ATP9B: variants seen among roughly 807,000 people sequenced by gnomAD.
ATP9B encodes probable phospholipid-transporting ATPase IIB.
Under a neutral mutation model 146.1 loss-of-function variants are expected in ATP9B, and 110 were observed. The ratio of observed to expected loss-of-function variants is 0.75; its 90% CI spans 0.65 to 0.88. The LOEUF is 0.88. Among genes scored for constraint, ATP9B ranks in the 40% least tolerant of loss-of-function variants. The pLI is 0.00. For synonymous variants in ATP9B, 604 were observed against 569.7 expected (o/e 1.06, Z -0.86); for missense variants, 1,499 against 1,496.4 (o/e 1.00, Z -0.03).
chr18:79,317,570 C>T (rs4799032), intron 15 of ATP9B, among the ~76,000 whole-genome samples: 142,351 of 152,248 alleles, frequency 0.93, 66,648 homozygotes, highest in East Asian at 1. Flanking sequence ...GGGTCTAATA[C>T]AGAAAAAATA....
intron 11 of ATP9B, among the ~76,000 whole-genome samples, chr18:79,251,329 A>G (rs1372685041): frequency 6.6e-6 from 1 of 152,258 alleles, no homozygotes; most frequent in Non-Finnish European, 1.5e-5. Flanking sequence ...GTGAAAGGCC[A>G]TGAAGTATTT....
At chr18:79,346,913 G>A (rs1479910385) in intron 23 of ATP9B, among the ~76,000 whole-genome samples, 7 of 152,356 alleles carry the variant, frequency 4.6e-5, no homozygotes, top group East Asian at 1.9e-4. Flanking sequence ...GGAGTCCCCC[G>A]CTTTGACCTC....
Position 79,110,485 on chromosome 18 carries a change from G to C in ATP9B, c.424G>C (p.Val142Leu), listed in dbSNP as rs768845996. Residue 142 changes from valine (V) to leucine (L), a missense_variant, in exon 3 of 30, where the codon GTG (valine) becomes CTG (leucine). Coordinates refer to ENST00000426216, the MANE Select transcript of ATP9B (RefSeq NM_198531.5). ...RNSIKNQKYN[V>L]FTFIPGVLYE... is the part of the protein sequence containing the mutation. ...TTCTATAAAAAATCAAAAATACAAT[G>C]TGTTTACCTTTATACCTGGGGTAAG... 1 of 1,611,810 alleles carries C rather than the reference G, an allele frequency of 6.2e-7. No individual in the cohort carries two copies. The highest frequency in any genetic ancestry group is 8.5e-7 in the Non-Finnish European group (1 of 1,179,034).
intron 20 of ATP9B, among the ~76,000 whole-genome samples, chr18:79,343,508 G>GT (rs995909919): frequency 2.0e-5 from 3 of 152,014 alleles, no homozygotes; most frequent in Non-Finnish European, 2.9e-5. Context: ...ACTCTTTTAG[G>GT]TTTTTTTAAA....
At position 79,377,762 on chromosome 18, in the gene ATP9B, T is replaced by G. The variant is rs2148075559; in HGVS notation, c.*379T>G. ...CGGCCTCTCCCTCTCAGTGTGAGGC[T>G]TCACCCATGCTAGGCAAGCCCAGGG... On this transcript the variant is annotated 3_prime_UTR_variant, in exon 30 of 30. Coordinates refer to ENST00000426216, the MANE Select transcript of ATP9B (RefSeq NM_198531.5). 1 of 184,092 alleles carries G rather than the reference T, an allele frequency of 5.4e-6. No homozygotes were observed. The highest frequency in any genetic ancestry group is 1.1e-5 in the Non-Finnish European group (1 of 93,536). The allele number at this position is 184,092 out of a possible 1,614,324, so 11.4% of individuals were successfully genotyped here.
At chr18:79,106,176 G>A (rs2075637780) in intron 2 of ATP9B, among the ~76,000 whole-genome samples, 1 of 152,118 alleles carries the variant, frequency 6.6e-6, no homozygotes, top group African/African-American at 2.4e-5. Flanking sequence ...AAATATAAGG[G>A]GGAAAGTGTT....
chr18:79,208,890 G>C (rs1400185577), intron 10 of ATP9B, among the ~76,000 whole-genome samples: 2 of 152,182 alleles, frequency 1.3e-5, no homozygotes, highest in African/African-American at 4.8e-5. Context: ...CCTCATGCCA[G>C]GAGGACTCTT....
chr18:79,217,945 T>G (rs1184242103), intron 11 of ATP9B, among the ~76,000 whole-genome samples: 2 of 152,208 alleles, frequency 1.3e-5, no homozygotes, highest in East Asian at 3.8e-4. Context: ...GCTCTCTGAG[T>G]AGAAGCCATA....
intron 19 of ATP9B, among the ~76,000 whole-genome samples, chr18:79,341,369 G>A (rs1002752872): frequency 3.2e-5 from 4 of 126,458 alleles, no homozygotes; most frequent in Non-Finnish European, 6.7e-5. Flanking sequence ...ATTTAGTTGT[G>A]GTTGGATGTG....
chr18:79,258,449 A>ATAC (rs2096106630), intron 12 of ATP9B, among the ~76,000 whole-genome samples: 1 of 152,162 alleles, frequency 6.6e-6, no homozygotes, highest in Non-Finnish European at 1.5e-5. Flanking sequence ...AATAATAATA[A>ATAC]TAAGAGAAGA....
chr18:79,107,269 T>C (rs1292515994), intron 2 of ATP9B, among the ~76,000 whole-genome samples: 1 of 152,164 alleles, frequency 6.6e-6, no homozygotes, highest in Non-Finnish European at 1.5e-5. Context: ...GGATGTCCAT[T>C]ATGGTAGCCA....
chr18:79,256,723 C>T (rs1440522044), intron 12 of ATP9B, among the ~76,000 whole-genome samples: 4 of 152,182 alleles, frequency 2.6e-5, no homozygotes, highest in African/African-American at 9.7e-5. Context: ...CTCCCATCCA[C>T]TTACATGCTT....
At chr18:79,243,486 G>T (rs146136692) in intron 11 of ATP9B, among the ~76,000 whole-genome samples, 1 of 152,340 alleles carries the variant, frequency 6.6e-6, no homozygotes, top group East Asian at 1.9e-4. Context: ...AGATCTTCCA[G>T]TGGCTTATAA....
At chr18:79,133,331 C>T (rs542164782) in intron 5 of ATP9B, among the ~76,000 whole-genome samples, 1 of 152,224 alleles carries the variant, frequency 6.6e-6, no homozygotes, top group East Asian at 1.9e-4. Flanking sequence ...ATAGTTGCAC[C>T]AAGTAATTTT....
At chr18:79,168,791 T>A (rs1170461720) in intron 7 of ATP9B, among the ~76,000 whole-genome samples, 1 of 152,150 alleles carries the variant, frequency 6.6e-6, no homozygotes, top group Non-Finnish European at 1.5e-5. Context: ...TACTCCTTCC[T>A]TAATTAGGAG....
intron 15 of ATP9B, among the ~76,000 whole-genome samples, chr18:79,327,456 ATGGTTAGCGTGTTCTCCG>A (rs1435103330): frequency 2.4e-4 from 35 of 144,460 alleles, no homozygotes; most frequent in South Asian, 1.8e-3. Context: ...TGTGCTCCCC[ATGGTTAGCGTGTTCTCCG>A]TGGTTAGCGT....
chr18:79,110,237 C>A, intron 2 of ATP9B, 118 bp from the exon 3 acceptor site: 2 of 930,654 alleles, frequency 2.1e-6, no homozygotes, highest in Non-Finnish European at 3.0e-6. Flanking sequence ...ATTAGGTGTG[C>A]TATTAGTGTG....
chr18:79,154,665 G>A (rs1364510961), intron 7 of ATP9B, 110 bp downstream of exon 7: 2 of 638,294 alleles, frequency 3.1e-6, no homozygotes, highest in Non-Finnish European at 2.6e-6. Context: ...GTATGCTGCA[G>A]CAATGAGGAA....
At chr18:79,097,991 C>A (rs1422366517) in intron 2 of ATP9B, among the ~76,000 whole-genome samples, 1 of 152,074 alleles carries the variant, frequency 6.6e-6, no homozygotes, top group East Asian at 1.9e-4. Flanking sequence ...ACAGTCCCAC[C>A]AACAAGGCTA....
Sources: allele counts gnomAD v4.1 joint callset (sites outside exome capture counted in the v4.1 genomes callset), GRCh38; gene constraint gnomAD v4.1.1; transcripts MANE v1.5; gene names NCBI Gene and HGNC (gene_info 2026-07-23, HGNC 2026-07-21).